The following ATP6V0A4 variants were observed in gnomAD, a reference collection of about 807,000 sequenced individuals.
ATP6V0A4 encodes the protein V-type proton ATPase 116 kDa subunit a 4.
In ATP6V0A4, 86 loss-of-function variants were observed where a neutral mutation model predicts 107.3. The observed-to-expected ratio is 0.80, with a 90% CI of 0.67 to 0.96. The LOEUF (loss-of-function observed/expected upper bound fraction) is 0.96. Ranked by LOEUF, ATP6V0A4 falls within the 40% of genes least tolerant of loss-of-function variation. The probability of loss-of-function intolerance (pLI) is 0.00; values close to 1 mark genes in which losing one functional copy is unlikely to be tolerated. For missense variants in ATP6V0A4, 908 were observed against 1,045.6 expected, an observed-to-expected ratio of 0.87 and a Z score of 1.81; for synonymous variants, 353 against 381.4, an observed-to-expected ratio of 0.93 and a Z score of 0.87.
intron 14 of ATP6V0A4, among the ~76,000 whole-genome samples, chr7:138,741,536 G>A (rs1405344810): frequency 1.3e-5 from 2 of 152,122 alleles, no homozygotes; most frequent in East Asian, 1.9e-4. Flanking sequence ...GCAACATCAG[G>A]CAAGGCCACC....
intron 19 of ATP6V0A4, among the ~76,000 whole-genome samples, chr7:138,721,351 C>G (rs1804411972): frequency 6.6e-6 from 1 of 152,082 alleles, no homozygotes; most frequent in Admixed American, 6.6e-5. Flanking sequence ...TCAGCCTGGC[C>G]AACATGGTGA....
intron 9 of ATP6V0A4, 57 bp from the exon 10 acceptor site, chr7:138,755,839 A>T: frequency 6.3e-7 from 1 of 1,596,406 alleles, no homozygotes; most frequent in South Asian, 1.1e-5. Flanking sequence ...AGCATTCTGC[A>T]TCCCCTTTTC....
intron 14 of ATP6V0A4, among the ~76,000 whole-genome samples, chr7:138,743,372 C>G (rs902334070): frequency 6.6e-6 from 1 of 150,436 alleles, no homozygotes; most frequent in East Asian, 2.0e-4. Context: ...GCAGGAGAAT[C>G]GCTTGAACCC....
At chr7:138,726,417 A>G (rs1481339081) in intron 18 of ATP6V0A4, among the ~76,000 whole-genome samples, 2 of 152,206 alleles carry the variant, frequency 1.3e-5, no homozygotes, top group Non-Finnish European at 2.9e-5. Context: ...GCTGGCCACA[A>G]GGGCTCTCGG....
intron 10 of ATP6V0A4, among the ~76,000 whole-genome samples, chr7:138,754,130 C>A (rs1423750538): frequency 1.3e-5 from 2 of 152,034 alleles, no homozygotes; most frequent in East Asian, 1.9e-4. Flanking sequence ...TGACAAGTGA[C>A]AAAGAAGTAA....
chr7:138,750,929 A>T (rs1007521973), intron 11 of ATP6V0A4, among the ~76,000 whole-genome samples: 6 of 151,986 alleles, frequency 3.9e-5, no homozygotes, highest in African/African-American at 1.5e-4. Flanking sequence ...TACGAAGGGG[A>T]TAAAGAAAGC....
chr7:138,770,170 G>A (rs1054819669), intron 3 of ATP6V0A4, among the ~76,000 whole-genome samples: 1 of 151,450 alleles, frequency 6.6e-6, no homozygotes, highest in Non-Finnish European at 1.5e-5. Flanking sequence ...CACAGCATGG[G>A]AGAAAATCAT....
In ATP6V0A4 at chr7:138,722,001, C is replaced by A. The variant is rs150777839; in HGVS notation, c.2035G>T (p.Asp679Tyr). ...SQLQASRIQEDATENIEGDSS... is the reference protein window; with the variant it reads ...SQLQASRIQEYATENIEGDSS... ...TCACCTTCAATGTTCTCAGTGGCAT[C>A]TTCTTGGATCCTGGATGCCTGCAGC... The change falls in exon 19 of 22, where the codon GAT becomes TAT. Residue 679 changes from aspartate to tyrosine, a missense_variant. Asp to Tyr is a radical substitution (Grantham distance 160). Coordinates refer to ENST00000310018, the MANE Select transcript of ATP6V0A4 (RefSeq NM_020632.3). 10,750 of 1,614,168 alleles carry A rather than the reference C, an allele frequency of 6.7e-3. 58 individuals are homozygous for A. The highest frequency in any genetic ancestry group is 0.013 in the Middle Eastern group (80 of 6,060).
chr7:138,718,209 T>C (rs1584893313), intron 19 of ATP6V0A4, among the ~76,000 whole-genome samples: 1 of 28,846 alleles, frequency 3.5e-5, no homozygotes, highest in African/African-American at 1.6e-4. Context: ...TGGGTGTGTG[T>C]GTGTGTGTGT....
intron 18 of ATP6V0A4, among the ~76,000 whole-genome samples, chr7:138,725,906 C>T (rs950637600): frequency 5.9e-5 from 9 of 152,124 alleles, no homozygotes; most frequent in Non-Finnish European, 1.0e-4. Flanking sequence ...ATTGGTGCCT[C>T]GTTATTCATG....
At position 138,759,785 on chromosome 7, in the gene ATP6V0A4, A is replaced by T; in HGVS notation, c.606T>A (p.Ser202Arg). Residue 202 changes from serine to arginine, a missense_variant, in exon 8 of 22, where the codon AGT becomes AGA. Coordinates refer to ENST00000310018, the MANE Select transcript of ATP6V0A4 (RefSeq NM_020632.3). Reference sequence around the variant, plus strand: ...GATCCTCCAGAGGGGCGTCCATCTCACTGAACTTCAAGTACACGTTTCCTC... The same window carrying T: ...GATCCTCCAGAGGGGCGTCCATCTCTCTGAACTTCAAGTACACGTTTCCTC... ...ICRGNVYLKF[S>R]EMDAPLEDPV... 1 of 1,614,100 alleles carries T rather than the reference A, an allele frequency of 6.2e-7. No individual in the cohort carries two copies. Among genetic ancestry groups the T allele is most frequent in the East Asian group, 2.2e-5 (1 of 44,868 alleles).
chr7:138,744,709 CT>C (rs59822153), intron 14 of ATP6V0A4, among the ~76,000 whole-genome samples: 90,359 of 149,974 alleles, frequency 0.6, 27,527 homozygotes, highest in East Asian at 0.9. Context: ...TTTTCTTTTT[CT>C]TTTTTTTTTG....
intron 20 of ATP6V0A4, among the ~76,000 whole-genome samples, chr7:138,711,802 A>G (rs1160740964): frequency 1.3e-5 from 2 of 152,256 alleles, no homozygotes; most frequent in Non-Finnish European, 2.9e-5. Context: ...TCACGTGCAC[A>G]CGAATACTCA....
At chr7:138,715,714 C>A (rs1803999588) in intron 20 of ATP6V0A4, 50 bp downstream of exon 20, 1 of 1,598,048 alleles carries the variant, frequency 6.3e-7, no homozygotes, top group African/African-American at 1.3e-5. Flanking sequence ...CACCTATTTC[C>A]TGGGGTGTTG....
At chr7:138,768,922 C>A in intron 4 of ATP6V0A4, 48 bp from the exon 5 acceptor site, 1 of 1,610,506 alleles carries the variant, frequency 6.2e-7, no homozygotes, top group South Asian at 1.1e-5. Flanking sequence ...TGTGTTTTCT[C>A]ATAACTAAGA....
Position 138,769,088 on chromosome 7 carries a change from T to C in ATP6V0A4, c.196+85A>G, listed in dbSNP as rs1172213949. ...AAAAAGTATTGCAAATAGGGACACA[T>C]TTGTTCATTAAGTCCTGCAAACTAT... is the stretch of plus-strand genomic sequence containing the variant. On this transcript the variant is annotated intron_variant, in intron 4 of 21. Coordinates refer to ENST00000310018, the MANE Select transcript of ATP6V0A4 (RefSeq NM_020632.3). 17 of 1,591,350 alleles carry C rather than the reference T, an allele frequency of 1.1e-5. No individual in the cohort carries two copies. The East Asian group carries it at 3.8e-4, about 36-fold the overall frequency.
rs1554394380 is a variant in ATP6V0A4, at chr7:138,737,115, A to AATATATATATATATATAT, written c.1572+2424_1572+2425insATATATATATATATATAT. Among the ~76,000 whole-genome samples, 9 of 86,764 alleles carry AATATATATATATATATAT rather than the reference A, an allele frequency of 1.0e-4. No homozygotes were observed. In the East Asian group the frequency reaches 2.9e-3, roughly 28 times the overall value. The allele number at this position is 86,764 out of a possible 152,430, so 56.9% of individuals were successfully genotyped here. On this transcript the variant is annotated intron_variant, in intron 15 of 21. Coordinates refer to ENST00000310018, the MANE Select transcript of ATP6V0A4 (RefSeq NM_020632.3). The stretch of plus-strand genomic sequence containing the variant: ...GTTATGTAAAAAGTAAGCCCTTATT[A>AATATATATATATATATAT]ATATATATATATGATACAAACTAAC...
Position 138,718,074 on chromosome 7 carries a change from AGGGAGACGTCCAGGAAGGAATGGGGGGC to A in ATP6V0A4, c.2140-2221_2140-2194del, listed in dbSNP as rs1562979958. Among the ~76,000 whole-genome samples, 155 of 95,120 alleles carry A rather than the reference AGGGAGACGTCCAGGAAGGAATGGGGGGC, an allele frequency of 1.6e-3. 1 individual carries two copies. Among genetic ancestry groups the A allele is most frequent in the South Asian group, 2.0e-3 (5 of 2,526 alleles). The allele number at this position is 95,120 out of a possible 152,430, so 62.4% of individuals were successfully genotyped here. Reference sequence around the variant, plus strand: ...GGGGTACAGTCACGGGTGTCTGTGGAGGGAGACGTCCAGGAAGGAATGGGGGGCGGGGGTGCAGTCACGGATGTCTGCA... The same window carrying A: ...GGGGTACAGTCACGGGTGTCTGTGGAGGGGGTGCAGTCACGGATGTCTGCA... On this transcript the variant is annotated intron_variant, in intron 19 of 21. Coordinates refer to ENST00000310018, the MANE Select transcript of ATP6V0A4 (RefSeq NM_020632.3).
chr7:138,727,733 C>T (rs148994921), intron 18 of ATP6V0A4, among the ~76,000 whole-genome samples: 298 of 152,308 alleles, frequency 2.0e-3, no homozygotes, highest in African/African-American at 6.6e-3. Flanking sequence ...CAGCACATTC[C>T]GCTTAATCTT....
Sources: gnomAD v4.1 joint callset for allele counts (sites outside exome capture counted in the v4.1 genomes callset) on GRCh38, gnomAD v4.1.1 for gene constraint, MANE v1.5 for transcripts, NCBI Gene and HGNC (gene_info 2026-07-23, HGNC 2026-07-21) for gene names.